CSMD2: variants seen among roughly 807,000 people sequenced by gnomAD.
The protein encoded by CSMD2 is CUB and sushi domain-containing protein 2.
Under a neutral mutation model 398.5 loss-of-function variants are expected in CSMD2, and 130 were observed. The observed-to-expected ratio is 0.33, with a 90% CI of 0.28 to 0.38. The LOEUF is 0.38. CSMD2 is among the 10% of genes least tolerant of loss of function. The probability of loss-of-function intolerance (pLI) is 1.00; values close to 1 mark genes in which losing one functional copy is unlikely to be tolerated. For synonymous variants in CSMD2, 1,828 were observed against 1,908.5 expected (o/e 0.96, Z 1.10); for missense variants, 3,829 against 4,764.9 (o/e 0.80, Z 5.78).
chr1:33,621,615 G>C (rs933304207), intron 37 of CSMD2, among the ~76,000 whole-genome samples: 4 of 152,162 alleles, frequency 2.6e-5, no homozygotes, highest in Non-Finnish European at 4.4e-5. Flanking sequence ...GGCAGTCCCA[G>C]TATGCAAGCA....
chr1:34,057,378 C>T (rs1653952614), intron 2 of CSMD2, among the ~76,000 whole-genome samples: 1 of 152,196 alleles, frequency 6.6e-6, no homozygotes, highest in Non-Finnish European at 1.5e-5. Flanking sequence ...CTCCTAGACC[C>T]CTAAGCCCTG....
intron 22 of CSMD2, 122 bp downstream of exon 22, chr1:33,708,967 A>G: frequency 1.3e-6 from 1 of 798,364 alleles, no homozygotes; most frequent in Non-Finnish European, 2.0e-6. Context: ...GAGTGAGGAC[A>G]GTATTTTGGG....
chr1:33,708,653 G>C (rs1278424055), intron 22 of CSMD2, among the ~76,000 whole-genome samples: 1 of 146,440 alleles, frequency 6.8e-6, no homozygotes, highest in Admixed American at 6.9e-5. Context: ...CCAGTCTGGA[G>C]TGCAGTGGCA....
chr1:33,673,863 CT>C (rs1644603385), intron 25 of CSMD2, among the ~76,000 whole-genome samples: 1 of 152,308 alleles, frequency 6.6e-6, no homozygotes, highest in South Asian at 2.1e-4. Context: ...GCCAAACTAG[CT>C]TCATAAGTGA....
At chr1:33,827,888 CCTT>C (rs1368532681) in intron 6 of CSMD2, among the ~76,000 whole-genome samples, 2 of 152,164 alleles carry the variant, frequency 1.3e-5, no homozygotes, top group East Asian at 1.9e-4. Flanking sequence ...AAACTGTAAA[CCTT>C]CTCCAGGATC....
intron 2 of CSMD2, among the ~76,000 whole-genome samples, chr1:34,034,316 T>C (rs1259506190): frequency 1.3e-5 from 2 of 152,086 alleles, no homozygotes; most frequent in Non-Finnish European, 2.9e-5. Context: ...CTCATTTTTA[T>C]GGACGGATTC....
rs141338454 is a variant in CSMD2, at chr1:33,971,751, G to T, written c.518-35797C>A. Among the ~76,000 whole-genome samples, 216 of 152,304 alleles carry T rather than the reference G, an allele frequency of 1.4e-3. 1 individual carries two copies. Among genetic ancestry groups the T allele is most frequent in the Middle Eastern group, 0.01 (3 of 294 alleles). Reference sequence around the variant, plus strand: ...TGTTTTGGGAGGTGGGTGAGAGGGGGTGCCTCCAAGGAACCCAAATTCTAC... The same window carrying T: ...TGTTTTGGGAGGTGGGTGAGAGGGGTTGCCTCCAAGGAACCCAAATTCTAC... On this transcript the variant is annotated intron_variant, in intron 3 of 70. Transcript: ENST00000373381.
chr1:33,680,609 C>T (rs542445543), intron 25 of CSMD2, among the ~76,000 whole-genome samples: 14 of 152,112 alleles, frequency 9.2e-5, no homozygotes, highest in African/African-American at 1.4e-4. Flanking sequence ...GCCTTATATC[C>T]GGTCAGCCTC....
intron 53 of CSMD2, among the ~76,000 whole-genome samples, chr1:33,560,183 C>T (rs1475663486): frequency 1.3e-5 from 2 of 152,172 alleles, no homozygotes; most frequent in Admixed American, 6.5e-5. Context: ...GGCTGCATGC[C>T]CCACTGCAGT....
chr1:34,165,315 C>T (rs952364182), upstream of CSMD2: 50 of 1,190,592 alleles, frequency 4.2e-5, no homozygotes, highest in Middle Eastern at 3.4e-4. Context: ...GGGTTCGCGC[C>T]GGGGGGCGGG....
intron 13 of CSMD2, among the ~76,000 whole-genome samples, chr1:33,762,431 T>C (rs74526945): frequency 0.019 from 2,881 of 152,338 alleles, 37 homozygotes; most frequent in South Asian, 0.03. Context: ...CATTCCCCTA[T>C]AAGTAGAGGT....
chr1:33,677,268 AAAAC>A (rs1278235229), intron 25 of CSMD2, among the ~76,000 whole-genome samples: 1 of 152,222 alleles, frequency 6.6e-6, no homozygotes, highest in Non-Finnish European at 1.5e-5. Flanking sequence ...TTACAAGAAA[AAAAC>A]AAACAACCCC....
At chr1:34,098,102 T>C (rs1659555765) in intron 1 of CSMD2, among the ~76,000 whole-genome samples, 1 of 96,990 alleles carries the variant, frequency 1.0e-5, no homozygotes, top group Non-Finnish European at 2.0e-5. Context: ...GATGAGTTCA[T>C]GTCCTTTGTA....
At chr1:33,627,307 T>C (rs906124284) in intron 32 of CSMD2, among the ~76,000 whole-genome samples, 10 of 152,122 alleles carry the variant, frequency 6.6e-5, no homozygotes, top group African/African-American at 2.4e-4. Context: ...TATCTTCTGC[T>C]TGGTGCAGTA....
intron 66 of CSMD2, 41 bp from the exon 67 acceptor site, chr1:33,523,460 G>A (rs1373875727): frequency 5.3e-6 from 5 of 945,162 alleles, no homozygotes; most frequent in Non-Finnish European, 8.3e-6. Flanking sequence ...AAAGATATGG[G>A]AAAATTTCAA....
chr1:33,520,029 C>G (rs1034709037), intron 68 of CSMD2, 79 bp from the exon 69 acceptor site: 5 of 1,536,304 alleles, frequency 3.3e-6, no homozygotes, highest in Non-Finnish European at 8.9e-7. Context: ...CGACTATACA[C>G]TCTTGGGAAG....
At chr1:33,789,628 C>G (rs893290277) in intron 11 of CSMD2, among the ~76,000 whole-genome samples, 11 of 152,210 alleles carry the variant, frequency 7.2e-5, no homozygotes, top group Non-Finnish European at 1.6e-4. Context: ...CTAATGAGTC[C>G]TAATCTCTGC....
At chr1:33,930,626 C>G (rs1644283412) in intron 4 of CSMD2, among the ~76,000 whole-genome samples, 1 of 152,242 alleles carries the variant, frequency 6.6e-6, no homozygotes, top group African/African-American at 2.4e-5. Context: ...ATGCAGCCTT[C>G]TTTGATCCAG....
At chr1:34,043,286 C>G (rs1652079036) in intron 2 of CSMD2, among the ~76,000 whole-genome samples, 2 of 152,284 alleles carry the variant, frequency 1.3e-5, no homozygotes, top group East Asian at 3.9e-4. Context: ...CCCTAGGACT[C>G]TGTGCCCAGA....
Sources: gnomAD v4.1 joint callset for allele counts (sites outside exome capture counted in the v4.1 genomes callset) on GRCh38, gnomAD v4.1.1 for gene constraint, MANE v1.5 for transcripts, NCBI Gene and HGNC (gene_info 2026-07-23, HGNC 2026-07-21) for gene names.